The following NRG3 variants were observed in gnomAD, a reference collection of about 807,000 sequenced individuals.
NRG3 encodes the protein pro-neuregulin-3, membrane-bound isoform.
A neutral mutation model predicts 66.9 loss-of-function variants in NRG3; 31 were observed. The observed-to-expected ratio is 0.46, with a 90% CI of 0.35 to 0.63. NRG3 has a LOEUF of 0.63. NRG3 is among the 20% of genes least tolerant of loss of function. NRG3 has a pLI of 0.00. For synonymous variants in NRG3, 393 were observed against 359.4 expected, an observed-to-expected ratio of 1.09 and a Z score of -1.06; for missense variants, 910 against 878.9, an observed-to-expected ratio of 1.04 and a Z score of -0.45.
intron 3 of NRG3, among the ~76,000 whole-genome samples, chr10:82,834,548 C>A (rs2062685316): frequency 6.6e-6 from 1 of 152,146 alleles, no homozygotes; most frequent in South Asian, 2.1e-4. Context: ...AACAGGGTCA[C>A]TGAACTTAAT....
chr10:81,967,354 T>C (rs1414151984), intron 1 of NRG3, among the ~76,000 whole-genome samples: 1 of 151,982 alleles, frequency 6.6e-6, no homozygotes, highest in African/African-American at 2.4e-5. Context: ...TCTTTCATTG[T>C]TTATGAATGT....
At chr10:81,896,999 G>A (rs572978000) in intron 1 of NRG3, among the ~76,000 whole-genome samples, 22 of 152,126 alleles carry the variant, frequency 1.4e-4, no homozygotes, top group Non-Finnish European at 2.9e-4. Context: ...AACAGGGTTA[G>A]GATAAAAAGT....
At chr10:82,822,881 A>G (rs2062013530) in intron 3 of NRG3, among the ~76,000 whole-genome samples, 1 of 151,966 alleles carries the variant, frequency 6.6e-6, no homozygotes, top group South Asian at 2.1e-4. Context: ...CAAAGCTTCA[A>G]AATAGTGGTG....
chr10:82,011,108 A>G (rs2061556800), intron 1 of NRG3, among the ~76,000 whole-genome samples: 1 of 152,168 alleles, frequency 6.6e-6, no homozygotes, highest in Non-Finnish European at 1.5e-5. Flanking sequence ...GCTAATATAG[A>G]CATACCTGAG....
At chr10:81,962,549 G>A (rs981266223) in intron 1 of NRG3, among the ~76,000 whole-genome samples, 2 of 152,172 alleles carry the variant, frequency 1.3e-5, no homozygotes, top group African/African-American at 4.8e-5. Context: ...CCTAAACATA[G>A]TAGCTGTCTG....
chr10:82,864,119 T>C (rs1007149599), intron 3 of NRG3, among the ~76,000 whole-genome samples: 15 of 151,892 alleles, frequency 9.9e-5, no homozygotes, highest in Non-Finnish European at 1.5e-4. Flanking sequence ...GAATTATGGA[T>C]TAGGGGGCAC....
intron 2 of NRG3, among the ~76,000 whole-genome samples, chr10:82,557,652 AT>A (rs932848088): frequency 8.6e-5 from 13 of 151,716 alleles, no homozygotes; most frequent in Non-Finnish European, 1.3e-4. Context: ...TTGATTTAGC[AT>A]TTTTTTTCTT....
chr10:82,563,511 A>G (rs1372821868), intron 2 of NRG3, among the ~76,000 whole-genome samples: 1 of 152,032 alleles, frequency 6.6e-6, no homozygotes, highest in Non-Finnish European at 1.5e-5. Context: ...TTTTATACCC[A>G]GAAAACTTAG....
chr10:82,962,416 G>T (rs192287603), intron 6 of NRG3, among the ~76,000 whole-genome samples: 175 of 152,086 alleles, frequency 1.2e-3, no homozygotes, highest in African/African-American at 4.0e-3. Context: ...AATGAAAGAA[G>T]AAAATTGTAT....
intron 2 of NRG3, among the ~76,000 whole-genome samples, chr10:82,643,432 G>A (rs574034415): frequency 6.6e-6 from 1 of 152,156 alleles, no homozygotes; most frequent in Admixed American, 6.6e-5. Flanking sequence ...GGAACTGTAA[G>A]TCCATTAAAC....
intron 1 of NRG3, among the ~76,000 whole-genome samples, chr10:82,299,307 G>C (rs1313456096): frequency 1.3e-5 from 2 of 152,076 alleles, no homozygotes; most frequent in African/African-American, 4.8e-5. Flanking sequence ...ATCTCTTTTC[G>C]CACCTATGAG....
At chr10:81,981,026 G>A (rs2060313903) in intron 1 of NRG3, among the ~76,000 whole-genome samples, 2 of 152,190 alleles carry the variant, frequency 1.3e-5, no homozygotes, top group Non-Finnish European at 2.9e-5. Context: ...ATGTATGCAT[G>A]AAGGGAGCAT....
intron 1 of NRG3, chr10:82,340,981 G>C (rs181883482): frequency 3.9e-5 from 6 of 152,214 alleles, no homozygotes; most frequent in Middle Eastern, 3.4e-3. Flanking sequence ...AAATAACTAA[G>C]AGTGTAATAG....
chr10:81,888,325 C>A (rs559576026), intron 1 of NRG3, among the ~76,000 whole-genome samples: 2 of 152,024 alleles, frequency 1.3e-5, no homozygotes, highest in Non-Finnish European at 2.9e-5. Flanking sequence ...TAACACATTG[C>A]GACACTTTTC....
At chr10:82,515,026 G>T (rs942599631) in intron 2 of NRG3, among the ~76,000 whole-genome samples, 6 of 152,156 alleles carry the variant, frequency 3.9e-5, no homozygotes, top group African/African-American at 1.4e-4. Context: ...AGCTGCCAGG[G>T]TGTGAGGGCC....
chr10:82,921,879 T>G (rs10885506), intron 4 of NRG3, among the ~76,000 whole-genome samples: 73,917 of 151,888 alleles, frequency 0.49, 19,178 homozygotes, highest in East Asian at 0.68. Flanking sequence ...TGTAGGTTTG[T>G]GTGGAATTCC....
intron 1 of NRG3, among the ~76,000 whole-genome samples, chr10:81,916,563 T>C (rs1209299294): frequency 6.6e-6 from 1 of 152,060 alleles, no homozygotes; most frequent in African/African-American, 2.4e-5. Flanking sequence ...TAGACAGTCA[T>C]CTCCTAAAAG....
At chr10:82,264,728 A>G (rs765208501) in intron 1 of NRG3, among the ~76,000 whole-genome samples, 11 of 152,172 alleles carry the variant, frequency 7.2e-5, no homozygotes, top group Non-Finnish European at 1.2e-4. Context: ...AGGACATCCT[A>G]ATGGCCAAGG....
At chr10:82,457,402 C>A (rs1417880734) in intron 2 of NRG3, among the ~76,000 whole-genome samples, 2 of 152,154 alleles carry the variant, frequency 1.3e-5, no homozygotes, top group South Asian at 4.1e-4. Context: ...GTTCGCGCTC[C>A]TTTGAGAATC....
Sources: allele counts gnomAD v4.1 joint callset (sites outside exome capture counted in the v4.1 genomes callset), GRCh38; gene constraint gnomAD v4.1.1; transcripts MANE v1.5; gene names NCBI Gene and HGNC (gene_info 2026-07-23, HGNC 2026-07-21).